The following CTNNA2 variants were observed in gnomAD, a reference collection of about 807,000 sequenced individuals.
CTNNA2 encodes the protein catenin alpha 2.
In CTNNA2, 42 loss-of-function variants were observed where a neutral mutation model predicts 101.0. The observed-to-expected ratio is 0.42, with a 90% CI of 0.32 to 0.54. CTNNA2 has a LOEUF of 0.54. Among genes scored for constraint, CTNNA2 ranks in the 20% least tolerant of loss-of-function variants. CTNNA2 has a pLI of 0.14. For synonymous variants in CTNNA2, 450 were observed against 456.4 expected, an observed-to-expected ratio of 0.99 and a Z score of 0.18; for missense variants, 871 against 1,223.1, an observed-to-expected ratio of 0.71 and a Z score of 4.29.
intron 7 of CTNNA2, among the ~76,000 whole-genome samples, chr2:80,385,125 A>G (rs1291938153): frequency 6.6e-6 from 1 of 152,170 alleles, no homozygotes; most frequent in African/African-American, 2.4e-5. Context: ...ATTATTTTAT[A>G]GGTTAATGTG....
In CTNNA2 at chr2:80,095,778, A is replaced by C. The variant is rs1441685463; in HGVS notation, c.1056+185981A>C. Among the ~76,000 whole-genome samples the C allele has an allele frequency of 1.1e-4, 16 of 151,940 alleles. No individual in the cohort carries two copies. The South Asian group carries it at 3.3e-3, about 32-fold the overall frequency. ...TTTATCCATTTCTTCTAGATTTTCT[A>C]GTTTATTTGCATAGAGGTGTTTATA... On this transcript the variant is annotated intron_variant, in intron 7 of 18. Transcript: ENST00000402739.
At chr2:79,973,257 A>G (rs1277942075) in intron 7 of CTNNA2, among the ~76,000 whole-genome samples, 1 of 152,080 alleles carries the variant, frequency 6.6e-6, no homozygotes, top group Non-Finnish European at 1.5e-5. Context: ...TGATGTTAGC[A>G]CGTTTTTCAT....
At chr2:79,868,524 T>G (rs2104014201) in intron 4 of CTNNA2, among the ~76,000 whole-genome samples, 1 of 152,388 alleles carries the variant, frequency 6.6e-6, no homozygotes, top group African/African-American at 2.4e-5. Flanking sequence ...TAGCCACCTT[T>G]GTGATTGCGT....
chr2:80,521,639 A>G (rs1336084462), intron 9 of CTNNA2, among the ~76,000 whole-genome samples: 3 of 152,134 alleles, frequency 2.0e-5, no homozygotes, highest in Non-Finnish European at 4.4e-5. Flanking sequence ...AGTCTTGGAG[A>G]TAAAAAGGAG....
intron 3 of CTNNA2, among the ~76,000 whole-genome samples, chr2:79,341,809 G>A (rs1258083036): frequency 1.3e-5 from 2 of 152,162 alleles, no homozygotes; most frequent in Non-Finnish European, 2.9e-5. Flanking sequence ...TAGCCCAGTG[G>A]GAATCAGGAC....
chr2:79,787,975 A>C (rs778095687), intron 3 of CTNNA2, among the ~76,000 whole-genome samples: 45 of 152,162 alleles, frequency 3.0e-4, no homozygotes, highest in Non-Finnish European at 5.6e-4. Flanking sequence ...TATTTTGACT[A>C]TCACAATCCC....
intron 8 of CTNNA2, among the ~76,000 whole-genome samples, chr2:80,396,390 G>T (rs7565348): frequency 0.49 from 75,044 of 152,026 alleles, 22,918 homozygotes; most frequent in African/African-American, 0.87. Context: ...TTAAGCATTG[G>T]GTTCTCATTT....
intron 17 of CTNNA2, among the ~76,000 whole-genome samples, chr2:80,610,864 CG>C (rs1267915346): frequency 1.3e-5 from 2 of 151,524 alleles, no homozygotes; most frequent in African/African-American, 4.8e-5. Context: ...CAACAGGTCA[CG>C]GAGGAGAATG....
At chr2:79,889,226 A>G (rs1558615728) in intron 6 of CTNNA2, among the ~76,000 whole-genome samples, 1 of 152,168 alleles carries the variant, frequency 6.6e-6, no homozygotes, top group Non-Finnish European at 1.5e-5. Flanking sequence ...TGAAGCATCC[A>G]TTTGGATTTT....
At chr2:79,750,236 T>A (rs951261464) in intron 3 of CTNNA2, among the ~76,000 whole-genome samples, 2 of 152,060 alleles carry the variant, frequency 1.3e-5, no homozygotes, top group Non-Finnish European at 2.9e-5. Flanking sequence ...GACTGAAAAC[T>A]TTTTTTTGAC....
intron 7 of CTNNA2, among the ~76,000 whole-genome samples, chr2:79,924,780 A>G (rs1686913074): frequency 6.6e-6 from 1 of 152,086 alleles, no homozygotes. Context: ...TATTTGATCT[A>G]GGCACTCTGT....
At chr2:79,724,736 A>G (rs1686710971) in intron 2 of CTNNA2, among the ~76,000 whole-genome samples, 1 of 148,442 alleles carries the variant, frequency 6.7e-6, no homozygotes. Flanking sequence ...AATGGCGTGA[A>G]CCTGGGAGGC....
At chr2:79,517,778 C>T (rs1052885761) in intron 1 of CTNNA2, among the ~76,000 whole-genome samples, 1 of 152,204 alleles carries the variant, frequency 6.6e-6, no homozygotes, top group African/African-American at 2.4e-5. Flanking sequence ...TAGTGATAGT[C>T]TAACTTCAGA....
chr2:79,580,698 A>G (rs907884231), intron 1 of CTNNA2, among the ~76,000 whole-genome samples: 4 of 152,220 alleles, frequency 2.6e-5, no homozygotes, highest in Admixed American at 2.0e-4. Flanking sequence ...GGAGAAATAT[A>G]AGGAAATGTA....
intron 7 of CTNNA2, among the ~76,000 whole-genome samples, chr2:79,950,495 A>G (rs2104491365): frequency 6.6e-6 from 1 of 152,348 alleles, no homozygotes; most frequent in African/African-American, 2.4e-5. Flanking sequence ...TTGAAAGAAC[A>G]TATCTGACTT....
chr2:80,040,058 G>A (rs1695937525), intron 7 of CTNNA2, among the ~76,000 whole-genome samples: 1 of 152,134 alleles, frequency 6.6e-6, no homozygotes. Context: ...CTTTCTACAT[G>A]TCAAAGCTTT....
rs1320506230 is a variant in CTNNA2 at position 80,303,433 on chromosome 2, G to C, written c.1057-89778G>C. 1 of 1,614,226 alleles carries C rather than the reference G, an allele frequency of 6.2e-7. No individual in the cohort carries two copies. Among genetic ancestry groups the C allele is most frequent in the South Asian group, 1.1e-5 (1 of 91,086 alleles). The stretch of plus-strand genomic sequence containing the variant: ...TGGGCATGGGCCGGAAGGTGGTGTT[G>C]GGCAGTTGGGTGATCTGGTTGGAAC... On this transcript the variant is annotated intron_variant, in intron 7 of 18. Coordinates refer to ENST00000402739, the MANE Select transcript of CTNNA2 (RefSeq NM_001282597.3). This position sits in a 1 kb window ranked among gnomAD's most constrained non-coding sequence, Gnocchi z 7.7.
chr2:80,581,943 C>T, intron 14 of CTNNA2, 124 bp downstream of exon 14: 1 of 632,722 alleles, frequency 1.6e-6, no homozygotes, highest in Non-Finnish European at 2.8e-6. Context: ...AATCTGTGCT[C>T]TCATCTGAGG....
chr2:79,529,844 G>A lies in CTNNA2; in HGVS notation c.-6+16637G>A, dbSNP rs370266908. 1.1e-4 allele frequency among the ~76,000 whole-genome samples: 16 copies of A among 151,806 alleles called. 1 individual carries two copies. The highest frequency in any genetic ancestry group is 4.2e-4 in the South Asian group (2 of 4,802). On this transcript the variant is annotated intron_variant, in intron 1 of 18. Transcript: ENST00000402739. ...AGCCATGAGGTCTCTGGGTTATGACGTCAACAAGAGAAAGGAAGGGTAAGA... is the reference window on the plus strand; with the variant it reads ...AGCCATGAGGTCTCTGGGTTATGACATCAACAAGAGAAAGGAAGGGTAAGA...
Sources: allele counts gnomAD v4.1 joint callset (sites outside exome capture counted in the v4.1 genomes callset), GRCh38; gene constraint gnomAD v4.1.1; non-coding constraint Gnocchi (gnomAD v3.1); transcripts MANE v1.5; gene names NCBI Gene and HGNC (gene_info 2026-07-23, HGNC 2026-07-21).